Variants in CIAO3 observed in about 807,000 individuals in gnomAD.
CIAO3 encodes the protein LET1 like/JFP15.
CIAO3 carries 45 observed loss-of-function variants against 51.5 expected under a neutral mutation model. The ratio of observed to expected loss-of-function variants is 0.87; its 90% confidence interval spans 0.69 to 1.12. The LOEUF (loss-of-function observed/expected upper bound fraction) is 1.12, where lower values mean the gene tolerates loss of function less well. Ranked by LOEUF, CIAO3 falls within the 50% of genes most tolerant of loss-of-function variation. The pLI is 0.00. For missense variants in CIAO3, 668 were observed against 632.5 expected (o/e 1.06, Z -0.60); for synonymous variants, 314 against 269.3 (o/e 1.17, Z -1.63).
At chr16:736,962 T>C (rs2041345464) in intron 3 of CIAO3, 1 of 585,548 alleles carries the variant, frequency 1.7e-6, no homozygotes, top group Non-Finnish European at 3.0e-6. Flanking sequence ...CCGCGCCCAG[T>C]AGGGGTGTCA....
Position 733,418 on chromosome 16 carries a change from G to T in CIAO3, c.703C>A (p.Pro235Thr). The T allele has an allele frequency of 6.2e-7, 1 of 1,613,750 alleles. No homozygotes were observed. Among genetic ancestry groups the T allele is most frequent in the Non-Finnish European group, 8.5e-7 (1 of 1,179,962 alleles). The change falls in exon 7 of 11, where the codon CCT becomes ACT. Residue 235 changes from proline (P) to threonine (T), a missense_variant. Transcript: ENST00000251588. ...DFFAQQQHLT[P>T]DKIYHVTVMP... is the part of the protein sequence containing the mutation. ...ACTGTGACGTGGTAGATCTTGTCAG[G>T]GGTCAAGTGCTACAAGGAGAAACAA...
Position 730,640 on chromosome 16 carries a change from C to T in CIAO3, c.1208G>A (p.Gly403Glu). 1 of 1,609,438 alleles carries T rather than the reference C, an allele frequency of 6.2e-7. No individual in the cohort carries two copies. Among genetic ancestry groups the T allele is most frequent in the South Asian group, 1.1e-5 (1 of 91,068 alleles). The change falls in exon 11 of 11, where the codon GGG (glycine) becomes GAG (glutamate). Residue 403 changes from glycine (G) to glutamate (E), a missense_variant. Physicochemically the swap from Gly to Glu is moderately conservative, Grantham distance 98. Transcript: ENST00000251588. ...CCTGTCTGGGGCCTGGAGCTGGCCC[C>T]CGCCGTTCAGGCAGCCTATGGGAGA... ...MACPSGCLNG[G>E]GQLQAPDRPS...
intron 4 of CIAO3, 54 bp from the exon 5 acceptor site, chr16:734,925 C>G (rs1036232256): frequency 1.8e-5 from 27 of 1,489,442 alleles, no homozygotes; most frequent in Non-Finnish European, 2.4e-5. Context: ...CCCACACGAG[C>G]ACACGCCGGC....
At chr16:734,392 GC>G in intron 5 of CIAO3, 45 bp from the exon 6 acceptor site, 6 of 1,397,970 alleles carry the variant, frequency 4.3e-6, no homozygotes, top group Non-Finnish European at 3.0e-6. Context: ...GCGCACGGCG[GC>G]CCCCGCACCC....
At chr16:731,429 A>G in intron 9 of CIAO3, 136 bp downstream of exon 9, 2 of 1,271,588 alleles carry the variant, frequency 1.6e-6, no homozygotes, top group Non-Finnish European at 2.1e-6. Flanking sequence ...GCCTGGCCCC[A>G]GGGTCCCCTC....
Position 737,477 on chromosome 16 carries a change from A to G in CIAO3, c.163-148T>C. ...CTGAATTTTTAAAAATTAGGTATGT[A>G]TTACAAAAATGCACACGCACGCTCT... is the stretch of plus-strand genomic sequence containing the variant. On this transcript the variant is annotated intron_variant, in intron 2 of 10. Coordinates refer to ENST00000251588, the MANE Select transcript of CIAO3 (RefSeq NM_022493.3). This position sits in a 1 kb window ranked among gnomAD's most constrained non-coding sequence, Gnocchi z 5.3. 2 of 1,524,832 alleles carry G rather than the reference A, an allele frequency of 1.3e-6. No individual in the cohort carries two copies. Among genetic ancestry groups the G allele is most frequent in the Non-Finnish European group, 1.8e-6 (2 of 1,138,800 alleles). 94.5% of individuals were successfully genotyped at this position (1,524,832 alleles called of 1,614,324 possible).
intron 2 of CIAO3, 108 bp downstream of exon 2, chr16:739,535 G>T: frequency 9.0e-7 from 1 of 1,112,690 alleles, no homozygotes; most frequent in Non-Finnish European, 1.4e-6. Context: ...AAAGACTGGT[G>T]AGACCTGGAG....
In CIAO3 at chr16:731,657, C is replaced by G. The variant is rs754944184; in HGVS notation, c.942G>C (p.Gly314=). 8 of 1,557,688 alleles carry G rather than the reference C, an allele frequency of 5.1e-6. No homozygotes were observed. The South Asian group carries it at 9.4e-5, about 18-fold the overall frequency. Residue 314 remains glycine (G), a synonymous_variant, in exon 9 of 11, where the codon GGG becomes GGC. Transcript: ENST00000251588. ...CGTGCTCCAGGTAGCCCCCCGAGCC[C>G]CCTCCCCGATGGCTGGTGGGCTCCT... The part of the protein sequence containing the change: ...SAEEPTSHRG[G]GSGGYLEHVF...
In CIAO3 at chr16:737,914, G is replaced by A. The variant is rs1189394543; in HGVS notation, c.163-585C>T. On this transcript the variant is annotated intron_variant, in intron 2 of 10. Coordinates refer to ENST00000251588, the MANE Select transcript of CIAO3 (RefSeq NM_022493.3). This position sits in a 1 kb window ranked among gnomAD's most constrained non-coding sequence, Gnocchi z 5.3. ...CTTACATGCAAAACGCACCCAGCTC[G>A]AGCTCCCCCAACTTCTCCTGCAAAG... The A allele has an allele frequency of 1.1e-5, 13 of 1,182,206 alleles. No individual in the cohort carries two copies. The highest frequency in any genetic ancestry group is 3.2e-5 in the African/African-American group (2 of 62,346). The allele number at this position is 1,182,206 out of a possible 1,614,324, so 73.2% of individuals were successfully genotyped here. A position where few individuals can be genotyped will look rare whatever the true frequency, so the allele number is the denominator to read the frequency against.
At chr16:731,497 G>T (rs2041281995) in intron 9 of CIAO3, 68 bp downstream of exon 9, 1 of 1,466,646 alleles carries the variant, frequency 6.8e-7, no homozygotes, top group Non-Finnish European at 9.1e-7. Flanking sequence ...CCCAGGGGAG[G>T]CAGCAGCCCG....
intron 7 of CIAO3, 177 bp from the exon 8 acceptor site, chr16:732,550 GGC>G: frequency 2.7e-6 from 2 of 730,710 alleles, no homozygotes; most frequent in Non-Finnish European, 4.8e-6. Flanking sequence ...CCCCTCTGGA[GGC>G]TGCCTGGTCC....
intron 1 of CIAO3, 23 bp downstream of exon 1, chr16:740,897 C>T (rs918725835): frequency 1.1e-4 from 175 of 1,527,666 alleles, no homozygotes; most frequent in Non-Finnish European, 1.5e-4. Flanking sequence ...CAGCCTCGAC[C>T]CCGCCCGCCC....
At position 729,795 on chromosome 16, in the gene CIAO3, A is replaced by C; in HGVS notation, c.*622T>G. On this transcript the variant is annotated 3_prime_UTR_variant, in exon 11 of 11. Transcript: ENST00000251588. ...TAGGAGGGGTGCGTTTATTAGACAA[A>C]CGCTGGGAGACAGGCCTGGTGGGGA... The C allele has an allele frequency of 2.8e-6, 3 of 1,075,978 alleles. No individual in the cohort carries two copies. Among genetic ancestry groups the C allele is most frequent in the African/African-American group, 1.6e-5 (1 of 61,518 alleles). 66.7% of individuals were successfully genotyped at this position (1,075,978 alleles called of 1,614,324 possible).
chr16:734,284 C>T lies in CIAO3; in HGVS notation c.638G>A (p.Arg213Gln), dbSNP rs780075131. 2.0e-5 allele frequency: 32 copies of T among 1,611,942 alleles called. No individual in the cohort carries two copies. The highest frequency in any genetic ancestry group is 3.3e-5 in the Admixed American group (2 of 59,998). The change falls in exon 6 of 11, where the codon CGG becomes CAG. Residue 213 changes from arginine (R) to glutamine (Q), a missense_variant. Physicochemically the swap from Arg to Gln is conservative, Grantham distance 43. Coordinates refer to ENST00000251588, the MANE Select transcript of CIAO3 (RefSeq NM_022493.3). ...GGAGCCCATGACCTGCTGCGGGGAC[C>T]GGGCGGTGCTGATGTGGGGGAGGAT... ...SFILPHISTA[R>Q]SPQQVMGSLV...
chr16:730,163 G>A lies in CIAO3; in HGVS notation c.*254C>T. The A allele has an allele frequency of 1.7e-6, 1 of 575,618 alleles. No homozygotes were observed. The highest frequency in any genetic ancestry group is 3.1e-6 in the Non-Finnish European group (1 of 321,930). 35.7% of individuals were successfully genotyped at this position (575,618 alleles called of 1,614,324 possible). On this transcript the variant is annotated 3_prime_UTR_variant, in exon 11 of 11. Transcript: ENST00000251588. ...GCCTCGGCCCAGGGCCAACGGAACA[G>A]GCTCTGGGACCTCAGGGAACCTTCT...
chr16:739,834 G>A, intron 1 of CIAO3, 96 bp from the exon 2 acceptor site: 1 of 1,359,692 alleles, frequency 7.4e-7, no homozygotes, highest in South Asian at 1.3e-5. Context: ...CGCACAGCCT[G>A]AAGGCTCTGC....
In CIAO3 at chr16:737,792, C is replaced by T. The variant is rs753480484; in HGVS notation, c.163-463G>A. ...GGAGGAAGCCTGGGAGCCTGGCCTC[C>T]GGTGGGCGGGGCAGAAACAACCGTC... On this transcript the variant is annotated intron_variant, in intron 2 of 10. Coordinates refer to ENST00000251588, the MANE Select transcript of CIAO3 (RefSeq NM_022493.3). This position sits in a 1 kb window ranked among gnomAD's most constrained non-coding sequence, Gnocchi z 5.3. The T allele has an allele frequency of 8.3e-5, 100 of 1,204,466 alleles. No individual in the cohort carries two copies. The highest frequency in any genetic ancestry group is 1.0e-4 in the Non-Finnish European group (95 of 948,278). The allele number at this position is 1,204,466 out of a possible 1,614,324, so 74.6% of individuals were successfully genotyped here.
At chr16:731,166 GC>G (rs1167957199) in intron 9 of CIAO3, 166 bp from the exon 10 acceptor site, 6 of 906,168 alleles carry the variant, frequency 6.6e-6, no homozygotes, top group Non-Finnish European at 9.8e-6. Context: ...AGGGTGGAAG[GC>G]TCACTTCCTT....
At chr16:732,262 G>A in intron 8 of CIAO3, 39 bp downstream of exon 8, 1 of 1,572,326 alleles carries the variant, frequency 6.4e-7, no homozygotes, top group Non-Finnish European at 8.7e-7. Flanking sequence ...GGCAGCGTTA[G>A]AAGCTAAAAT....
Sources: allele counts gnomAD v4.1 joint callset, GRCh38; gene constraint gnomAD v4.1.1; non-coding constraint Gnocchi (gnomAD v3.1); transcripts MANE v1.5; gene names NCBI Gene and HGNC (gene_info 2026-07-23, HGNC 2026-07-21).